Variants in EXOC2 observed in about 807,000 individuals in gnomAD.
EXOC2 encodes the protein exocyst complex component 2, also known as SEC5-like 1.
In EXOC2, 70 loss-of-function variants were observed where a neutral mutation model predicts 131.8. The observed-to-expected ratio is 0.53, with a 90% CI of 0.44 to 0.65. EXOC2 has a LOEUF of 0.65. Among genes scored for constraint, EXOC2 ranks in the 30% least tolerant of loss-of-function variants. EXOC2 has a pLI of 0.00. For synonymous variants in EXOC2, 411 were observed against 398.4 expected (o/e 1.03, Z -0.38); for missense variants, 923 against 1,108.6 (o/e 0.83, Z 2.38).
At chr6:680,024 A>G (rs927933998) in intron 1 of EXOC2, among the ~76,000 whole-genome samples, 1 of 150,214 alleles carries the variant, frequency 6.7e-6, no homozygotes, top group African/African-American at 2.4e-5. Flanking sequence ...CCGGATGACT[A>G]TTTTTTTTTT....
chr6:556,887 A>G (rs1295171464), intron 17 of EXOC2, among the ~76,000 whole-genome samples: 5 of 152,222 alleles, frequency 3.3e-5, no homozygotes, highest in African/African-American at 1.2e-4. Flanking sequence ...AGATATAATG[A>G]GTTTATATTT....
intron 4 of EXOC2, among the ~76,000 whole-genome samples, chr6:625,391 A>G (rs1183724998): frequency 6.6e-6 from 1 of 152,200 alleles, no homozygotes; most frequent in African/African-American, 2.4e-5. Context: ...CGGAGGGGGG[A>G]GGCCAACAGT....
At chr6:571,971 T>C (rs1758302844) in intron 13 of EXOC2, among the ~76,000 whole-genome samples, 1 of 152,228 alleles carries the variant, frequency 6.6e-6, no homozygotes, top group African/African-American at 2.4e-5. Context: ...CATATGATGA[T>C]GAAGATACTA....
intron 7 of EXOC2, among the ~76,000 whole-genome samples, chr6:605,893 T>C (rs1760383864): frequency 6.6e-6 from 1 of 152,242 alleles, no homozygotes; most frequent in Non-Finnish European, 1.5e-5. Context: ...GAGATTCTGG[T>C]ATGTTGTGTC....
chr6:518,080 G>A (rs1765257505), intron 23 of EXOC2, among the ~76,000 whole-genome samples: 1 of 152,130 alleles, frequency 6.6e-6, no homozygotes. Context: ...GCTTCTACGA[G>A]AATTTGAACA....
At chr6:592,388 T>G in intron 11 of EXOC2, 81 bp downstream of exon 11, 1 of 1,213,608 alleles carries the variant, frequency 8.2e-7, no homozygotes, top group Non-Finnish European at 1.2e-6. Context: ...AGGTAGTCAG[T>G]GCCTTCATCA....
At chr6:576,939 T>C in intron 11 of EXOC2, 57 bp from the exon 12 acceptor site, 2 of 1,523,104 alleles carry the variant, frequency 1.3e-6, no homozygotes, top group East Asian at 2.5e-5. Context: ...TACTCTTGCT[T>C]AGTTGATTTA....
chr6:511,213 G>C (rs116242684), intron 23 of EXOC2, among the ~76,000 whole-genome samples: 124 of 152,340 alleles, frequency 8.1e-4, no homozygotes, highest in African/African-American at 2.9e-3. Context: ...GCCTGCTGCT[G>C]AGCGGGTCCC....
chr6:538,007 A>T (rs1383642337), intron 22 of EXOC2, among the ~76,000 whole-genome samples: 1 of 152,244 alleles, frequency 6.6e-6, no homozygotes, highest in East Asian at 1.9e-4. Context: ...AAAAGCCATC[A>T]ATCCATAAGC....
chr6:653,893 T>C (rs919626028), intron 1 of EXOC2, among the ~76,000 whole-genome samples: 7 of 152,236 alleles, frequency 4.6e-5, no homozygotes, highest in Non-Finnish European at 1.0e-4. Context: ...CTGGTAATTT[T>C]CAGTTGAAGC....
At chr6:491,006 T>C (rs1763396775) in intron 26 of EXOC2, 119 bp downstream of exon 26, 2 of 1,050,916 alleles carry the variant, frequency 1.9e-6, no homozygotes, top group South Asian at 1.4e-5. Context: ...ATAAACTTTA[T>C]CACATCACAA....
At chr6:552,319 T>G (rs1360539533) in intron 21 of EXOC2, among the ~76,000 whole-genome samples, 1 of 152,244 alleles carries the variant, frequency 6.6e-6, no homozygotes, top group Non-Finnish European at 1.5e-5. Context: ...CCTAATGCTT[T>G]GCACTGATGA....
At chr6:639,830 A>G (rs1233833555) in intron 1 of EXOC2, among the ~76,000 whole-genome samples, 1 of 152,166 alleles carries the variant, frequency 6.6e-6, no homozygotes, top group Admixed American at 6.5e-5. Flanking sequence ...GGTTAACAGG[A>G]GCAAAGGGCA....
chr6:551,766 T>C (rs1757156771), intron 21 of EXOC2, among the ~76,000 whole-genome samples: 1 of 152,186 alleles, frequency 6.6e-6, no homozygotes, highest in Non-Finnish European at 1.5e-5. Flanking sequence ...CCTCAGCCCT[T>C]GGGGCTGCTA....
intron 1 of EXOC2, among the ~76,000 whole-genome samples, chr6:664,271 C>T (rs1763541646): frequency 6.6e-6 from 1 of 152,142 alleles, no homozygotes; most frequent in South Asian, 2.1e-4. Flanking sequence ...GAGAAAACTA[C>T]AAAACCCTGC....
chr6:571,629 A>G (rs192252216), intron 13 of EXOC2, among the ~76,000 whole-genome samples: 263 of 152,336 alleles, frequency 1.7e-3, no homozygotes, highest in African/African-American at 4.9e-3. Flanking sequence ...CTTTGTGCAA[A>G]AAACCAAAAA....
At chr6:604,141 C>T (rs973275947) in intron 7 of EXOC2, among the ~76,000 whole-genome samples, 1 of 152,150 alleles carries the variant, frequency 6.6e-6, no homozygotes, top group African/African-American at 2.4e-5. Flanking sequence ...TAGCAAAACC[C>T]ATCAGCACGA....
rs758433964 is a variant in EXOC2 at position 633,060 on chromosome 6, T to A, written c.176A>T (p.Lys59Ile). 6.2e-7 allele frequency: 1 copy of A among 1,614,134 alleles called. No homozygotes were observed. Among genetic ancestry groups the A allele is most frequent in the Non-Finnish European group, 8.5e-7 (1 of 1,180,024 alleles). The stretch of plus-strand genomic sequence containing the variant: ...GGCTTGTCCCACTCGACATACTATT[T>A]TACTTGCAGACATCCATTCTGCCGT... ...LLTAEWMSAS[K>I]IVCRVGQAKN... The change falls in exon 3 of 28, where the codon AAA becomes ATA. Residue 59 changes from lysine (K) to isoleucine (I), a missense_variant. Lys to Ile is a moderately radical substitution (Grantham distance 102). Coordinates refer to ENST00000230449, the MANE Select transcript of EXOC2 (RefSeq NM_018303.6).
At chr6:495,698 A>G (rs1166096417) in intron 25 of EXOC2, among the ~76,000 whole-genome samples, 1 of 152,164 alleles carries the variant, frequency 6.6e-6, no homozygotes, top group Non-Finnish European at 1.5e-5. Flanking sequence ...GACGTCTACT[A>G]GAGTCAGTCT....
Sources: gnomAD v4.1 joint callset for allele counts (sites outside exome capture counted in the v4.1 genomes callset) on GRCh38, gnomAD v4.1.1 for gene constraint, MANE v1.5 for transcripts, NCBI Gene and HGNC (gene_info 2026-07-23, HGNC 2026-07-21) for gene names.